Variants in NRIP3 observed in about 807,000 individuals in gnomAD.
NRIP3 encodes the protein nuclear receptor interacting protein 3.
NRIP3 carries 31 observed loss-of-function variants against 29.0 expected under a neutral mutation model. The ratio of observed to expected loss-of-function variants is 1.07; its 90% CI spans 0.80 to 1.44. The LOEUF is 1.44. Ranked by LOEUF, NRIP3 falls within the 40% of genes most tolerant of loss-of-function variation. The pLI is 0.00. For missense variants in NRIP3, 314 were observed against 297.9 expected (o/e 1.05, Z -0.40); for synonymous variants, 131 against 118.3 (o/e 1.11, Z -0.70).
chr11:8,999,771 T>C (rs1041145466), intron 1 of NRIP3, among the ~76,000 whole-genome samples: 2 of 152,152 alleles, frequency 1.3e-5, no homozygotes, highest in Non-Finnish European at 2.9e-5. Context: ...CACTCTTCCC[T>C]GAGAAACTTT....
intron 1 of NRIP3, among the ~76,000 whole-genome samples, chr11:9,002,493 C>T (rs1854822626): frequency 7.2e-6 from 1 of 138,848 alleles, no homozygotes; most frequent in Non-Finnish European, 1.5e-5. Flanking sequence ...AGTAGACAAA[C>T]TCTGCACAGA....
intron 1 of NRIP3, among the ~76,000 whole-genome samples, chr11:8,988,705 A>G (rs1212409920): frequency 1.3e-5 from 2 of 152,218 alleles, no homozygotes; most frequent in Non-Finnish European, 1.5e-5. Context: ...TAGAAAGGGC[A>G]GCTCATTTTC....
intron 4 of NRIP3, 122 bp from the exon 5 acceptor site, chr11:8,984,246 GTGT>G (rs1854472249): frequency 3.0e-6 from 2 of 662,610 alleles, no homozygotes; most frequent in Non-Finnish European, 5.3e-6. Context: ...TATTGAGCAT[GTGT>G]TATTTTTTTT....
At chr11:8,992,875 G>A (rs1167432311) in intron 1 of NRIP3, among the ~76,000 whole-genome samples, 1 of 151,526 alleles carries the variant, frequency 6.6e-6, no homozygotes, top group Non-Finnish European at 1.5e-5. Context: ...TTGTGCCACT[G>A]CACTCCAGCC....
rs575352285 is a variant in NRIP3, at chr11:8,984,067, C to T, written c.615+5G>A. Reference sequence around the variant, plus strand: ...GTATCAAGGGGTAAGTGGAGTCAATCTTACCTTCAGAGATCGGAGAGTCTG... The same window carrying T: ...GTATCAAGGGGTAAGTGGAGTCAATTTTACCTTCAGAGATCGGAGAGTCTG... On this transcript the variant is annotated splice_donor_5th_base_variant and intron_variant, in intron 5 of 6. Coordinates refer to ENST00000309166, the MANE Select transcript of NRIP3 (RefSeq NM_020645.3). The T allele has an allele frequency of 6.2e-7, 1 of 1,612,658 alleles. No homozygotes were observed. The highest frequency in any genetic ancestry group is 1.7e-5 in the Admixed American group (1 of 60,024).
rs1854863926 is a variant in NRIP3 at position 9,003,938 on chromosome 11, C to A, written c.-3G>T. On this transcript the variant is annotated 5_prime_UTR_variant, in exon 1 of 7. Coordinates refer to ENST00000309166, the MANE Select transcript of NRIP3 (RefSeq NM_020645.3). ...GTGAGGAGCCCTGAGTAAAACATCG[C>A]TGAGGCGCCGGCGGCCCGGTAGCCC... The A allele has an allele frequency of 2.7e-6, 4 of 1,484,734 alleles. No individual in the cohort carries two copies. The highest frequency in any genetic ancestry group is 1.5e-5 in the African/African-American group (1 of 68,454). The allele number at this position is 1,484,734 out of a possible 1,614,324, so 92.0% of individuals were successfully genotyped here.
chr11:8,987,546 AC>A lies in NRIP3; in HGVS notation c.422+1del, dbSNP rs1166390388. ...TTCCACTCAGCACAAGTGCCTACTT[AC>A]CCCAATCTGTCCACACAGGCCAAAG... On this transcript the variant is annotated splice_donor_variant, in intron 3 of 6. Coordinates refer to ENST00000309166, the MANE Select transcript of NRIP3 (RefSeq NM_020645.3). LOFTEE classifies it high-confidence loss of function. 2.5e-6 allele frequency: 4 copies of A among 1,610,916 alleles called. No individual in the cohort carries two copies. The highest frequency in any genetic ancestry group is 1.7e-5 in the Admixed American group (1 of 60,010).
At chr11:8,998,811 T>TGA (rs1264024661) in intron 1 of NRIP3, among the ~76,000 whole-genome samples, 5 of 144,598 alleles carry the variant, frequency 3.5e-5, no homozygotes, top group African/African-American at 1.3e-4. Context: ...TTTTTTTTTT[T>TGA]GAGACAGAGT....
At position 8,984,059 on chromosome 11, in the gene NRIP3, G is replaced by A. The variant is rs372737354; in HGVS notation, c.615+13C>T. The A allele has an allele frequency of 1.9e-6, 3 of 1,607,670 alleles. No homozygotes were observed. Among genetic ancestry groups the A allele is most frequent in the Non-Finnish European group, 2.6e-6 (3 of 1,174,224 alleles). ...GAGAGGAAGTATCAAGGGGTAAGTGGAGTCAATCTTACCTTCAGAGATCGG... is the reference window on the plus strand; with the variant it reads ...GAGAGGAAGTATCAAGGGGTAAGTGAAGTCAATCTTACCTTCAGAGATCGG... On this transcript the variant is annotated intron_variant, in intron 5 of 6. Coordinates refer to ENST00000309166, the MANE Select transcript of NRIP3 (RefSeq NM_020645.3).
intron 4 of NRIP3, among the ~76,000 whole-genome samples, chr11:8,985,128 G>A (rs1854495353): frequency 6.6e-6 from 1 of 150,712 alleles, no homozygotes; most frequent in Non-Finnish European, 1.5e-5. Context: ...TGGGATTACA[G>A]GCGTGAGCCA....
At chr11:8,988,847 C>T (rs1178404729) in intron 1 of NRIP3, among the ~76,000 whole-genome samples, 1 of 152,182 alleles carries the variant, frequency 6.6e-6, no homozygotes, top group African/African-American at 2.4e-5. Flanking sequence ...GACTGAGTCA[C>T]CCATGGGTGG....
intron 2 of NRIP3, 142 bp downstream of exon 2, chr11:8,987,976 T>A (rs1854543232): frequency 1.4e-6 from 1 of 733,368 alleles, no homozygotes; most frequent in Admixed American, 2.4e-5. Context: ...AAATGTTGCA[T>A]ACACTTCCAG....
chr11:8,993,359 A>G (rs1268975492), intron 1 of NRIP3, among the ~76,000 whole-genome samples: 1 of 152,246 alleles, frequency 6.6e-6, no homozygotes, highest in Non-Finnish European at 1.5e-5. Flanking sequence ...AAGAAATAGT[A>G]CATTTGACTC....
intron 1 of NRIP3, among the ~76,000 whole-genome samples, chr11:8,989,092 T>G (rs1208034584): frequency 6.6e-6 from 1 of 152,230 alleles, no homozygotes; most frequent in Non-Finnish European, 1.5e-5. Context: ...AGACCTTATA[T>G]GCATGCCAGG....
chr11:9,002,636 C>T (rs1030341056), intron 1 of NRIP3, among the ~76,000 whole-genome samples: 17 of 142,138 alleles, frequency 1.2e-4, no homozygotes, highest in Non-Finnish European at 4.5e-5. Context: ...GATGCAGAAG[C>T]TCTGCCCTCC....
In NRIP3 at chr11:8,983,532, C is replaced by G; in HGVS notation, c.*13G>C. The G allele has an allele frequency of 6.2e-7, 1 of 1,613,504 alleles. No homozygotes were observed. Among genetic ancestry groups the G allele is most frequent in the South Asian group, 1.1e-5 (1 of 91,026 alleles). ...GTATGCATGCACACGTGCAGACATGCTGCAGGCTGTAGTTATGCTTCTGAA... is the reference window on the plus strand; with the variant it reads ...GTATGCATGCACACGTGCAGACATGGTGCAGGCTGTAGTTATGCTTCTGAA... On this transcript the variant is annotated 3_prime_UTR_variant, in exon 7 of 7. Coordinates refer to ENST00000309166, the MANE Select transcript of NRIP3 (RefSeq NM_020645.3).
intron 1 of NRIP3, among the ~76,000 whole-genome samples, chr11:8,989,987 C>G (rs1854573264): frequency 6.6e-6 from 1 of 152,200 alleles, no homozygotes; most frequent in East Asian, 1.9e-4. Flanking sequence ...AACACTTTAT[C>G]TAGTTCTTAA....
Position 9,003,854 on chromosome 11 carries a change from G to A in NRIP3, c.82C>T (p.Arg28Trp), listed in dbSNP as rs1197483766. The change falls in exon 1 of 7, where the codon CGG becomes TGG. Residue 28 changes from arginine to tryptophan, a missense_variant. Transcript: ENST00000309166. Reference sequence around the variant, plus strand: ...ATGAACTGCACCGCCTGCTTCATCCGGCGCTGCTGTCGCAGTGACGCCGCC... The same window carrying A: ...ATGAACTGCACCGCCTGCTTCATCCAGCGCTGCTGTCGCAGTGACGCCGCC... ...REAASLRQQR[R>W]MKQAVQFIHK... The A allele has an allele frequency of 2.6e-6, 4 of 1,521,694 alleles. No homozygotes were observed. Among genetic ancestry groups the A allele is most frequent in the Non-Finnish European group, 3.5e-6 (4 of 1,136,130 alleles). 94.3% of individuals were successfully genotyped at this position (1,521,694 alleles called of 1,614,324 possible).
chr11:8,984,025 C>T (rs768844011), intron 5 of NRIP3, 47 bp downstream of exon 5: 1 of 1,601,570 alleles, frequency 6.2e-7, no homozygotes, highest in South Asian at 1.1e-5. Flanking sequence ...TAAGAGGATA[C>T]CTGCCTCAGA....
Sources: gnomAD v4.1 joint callset for allele counts (sites outside exome capture counted in the v4.1 genomes callset) on GRCh38, gnomAD v4.1.1 for gene constraint, MANE v1.5 for transcripts, NCBI Gene and HGNC (gene_info 2026-07-23, HGNC 2026-07-21) for gene names.